Variants in CACHD1 observed in about 807,000 individuals in gnomAD.
CACHD1 encodes VWFA and cache domain-containing protein 1.
A neutral mutation model predicts 138.7 loss-of-function variants in CACHD1; 71 were observed. The observed-to-expected ratio is 0.51, with a 90% CI of 0.42 to 0.62. The LOEUF (loss-of-function observed/expected upper bound fraction) is 0.62, where lower values mean the gene tolerates loss of function less well. Among genes scored for constraint, CACHD1 ranks in the 20% least tolerant of loss-of-function variants. The probability of loss-of-function intolerance (pLI) is 0.00; values close to 1 mark genes in which losing one functional copy is unlikely to be tolerated. For synonymous variants in CACHD1, 578 were observed against 591.5 expected (o/e 0.98, Z 0.33); for missense variants, 1,389 against 1,625.3 (o/e 0.85, Z 2.50).
intron 4 of CACHD1, among the ~76,000 whole-genome samples, chr1:64,608,207 A>G (rs143318452): frequency 1.1e-4 from 16 of 152,334 alleles, no homozygotes; most frequent in African/African-American, 3.6e-4. Context: ...ACTTGCTTGC[A>G]TTTGAAGTTT....
intron 2 of CACHD1, among the ~76,000 whole-genome samples, chr1:64,564,737 G>A (rs889480943): frequency 2.0e-5 from 3 of 152,248 alleles, no homozygotes; most frequent in Admixed American, 6.5e-5. Flanking sequence ...GTTCACAGAA[G>A]GCCCTGGAAG....
At chr1:64,522,371 G>A (rs2100378945) in intron 1 of CACHD1, among the ~76,000 whole-genome samples, 1 of 151,840 alleles carries the variant, frequency 6.6e-6, no homozygotes, top group East Asian at 1.9e-4. Flanking sequence ...GCAGTGGCAT[G>A]ATCTCGGCTC....
chr1:64,569,861 C>G (rs538501174), intron 2 of CACHD1, among the ~76,000 whole-genome samples: 1 of 152,230 alleles, frequency 6.6e-6, no homozygotes, highest in Non-Finnish European at 1.5e-5. Context: ...GGCCAGCAAG[C>G]CTGTATCATG....
chr1:64,674,988 G>T (rs958746896), intron 19 of CACHD1, among the ~76,000 whole-genome samples: 3 of 152,038 alleles, frequency 2.0e-5, no homozygotes. Context: ...CAAAGAAAGG[G>T]GAATGCACAA....
At chr1:64,672,345 C>T (rs1044430732) in intron 17 of CACHD1, among the ~76,000 whole-genome samples, 1 of 152,162 alleles carries the variant, frequency 6.6e-6, no homozygotes, top group African/African-American at 2.4e-5. Context: ...GTTCTAGCTT[C>T]ATTTATTGTT....
chr1:64,592,797 T>C (rs1647117731), intron 3 of CACHD1, among the ~76,000 whole-genome samples: 1 of 152,142 alleles, frequency 6.6e-6, no homozygotes, highest in African/African-American at 2.4e-5. Flanking sequence ...GGCAAGTTGC[T>C]TGTCAAGTTG....
rs756726292 is a variant in CACHD1 at position 64,602,883 on chromosome 1, C to A, written c.488C>A (p.Ala163Asp). The A allele has an allele frequency of 1.5e-5, 24 of 1,613,034 alleles. No individual in the cohort carries two copies. The highest frequency in any genetic ancestry group is 2.0e-5 in the Non-Finnish European group (24 of 1,179,214). ...CTTTCTACTACTGTTAATAGCCGGG[C>A]CTTCAATCCAGGACGAGACTTAAAT... is the stretch of plus-strand genomic sequence containing the variant. ...DRLSTTVNSR[A>D]FNPGRDLNSV... The change falls in exon 4 of 27, where the codon GCC becomes GAC. Residue 163 changes from alanine to aspartate, a missense_variant. Around this residue, in one of 5 missense-constraint regions of CACHD1, gnomAD observed 1,000 missense variants for 1,114.7 expected, o/e 0.90. Transcript: ENST00000651257.
chr1:64,676,955 G>A lies in CACHD1; in HGVS notation c.3036G>A (p.Leu1012=). 1 of 1,614,048 alleles carries A rather than the reference G, an allele frequency of 6.2e-7. No individual in the cohort carries two copies. Among genetic ancestry groups the A allele is most frequent in the Non-Finnish European group, 8.5e-7 (1 of 1,179,942 alleles). The change falls in exon 22 of 27, where the codon CTG becomes CTA. Residue 1012 remains leucine, a synonymous_variant. Transcript: ENST00000651257. ...PVTYTAIDPG[L]QDALHQCVNS... is the part of the protein sequence containing the mutation. ...CATACACAGCTATTGACCCTGGCCT[G>A]CAAGATGCTCTTCACCAGTGTGTCA... is the stretch of plus-strand genomic sequence containing the variant.
rs761635006 is a variant in CACHD1, at chr1:64,692,107, CT to C, written c.*547del. The C allele has an allele frequency of 1.3e-5, 2 of 154,190 alleles. No individual in the cohort carries two copies. Among genetic ancestry groups the C allele is most frequent in the Admixed American group, 6.4e-5 (1 of 15,646 alleles). The allele number at this position is 154,190 out of a possible 1,614,324, so 9.6% of individuals were successfully genotyped here. A position where few individuals can be genotyped will look rare whatever the true frequency, so the allele number is the denominator to read the frequency against. ...TTCTAAGTAAAGGATTATTTTTCTACTATTTATTGAACTTTCAAACATTCTC... is the reference window on the plus strand; with the variant it reads ...TTCTAAGTAAAGGATTATTTTTCTACATTTATTGAACTTTCAAACATTCTC... On this transcript the variant is annotated 3_prime_UTR_variant, in exon 27 of 27. Coordinates refer to ENST00000651257, the MANE Select transcript of CACHD1 (RefSeq NM_020925.4).
chr1:64,560,845 C>T (rs183069636), intron 2 of CACHD1, among the ~76,000 whole-genome samples: 41 of 152,116 alleles, frequency 2.7e-4, no homozygotes, highest in Non-Finnish European at 7.4e-5. Context: ...TAATTCTGTT[C>T]ATTTTTGCCT....
At chr1:64,607,917 C>T (rs1465841935) in intron 4 of CACHD1, among the ~76,000 whole-genome samples, 1 of 152,092 alleles carries the variant, frequency 6.6e-6, no homozygotes, top group Non-Finnish European at 1.5e-5. Context: ...GAGGTTTAGA[C>T]TGAAACTCAG....
intron 1 of CACHD1, among the ~76,000 whole-genome samples, chr1:64,534,188 T>TGTA (rs1646613984): frequency 6.6e-6 from 1 of 151,652 alleles, no homozygotes; most frequent in Non-Finnish European, 1.5e-5. Flanking sequence ...GGATTACAGG[T>TGTA]GTGCACCATC....
intron 1 of CACHD1, among the ~76,000 whole-genome samples, chr1:64,473,992 G>A (rs1345406747): frequency 3.9e-5 from 6 of 152,158 alleles, no homozygotes; most frequent in East Asian, 1.9e-4. Context: ...TTTGAAAAGC[G>A]TCTACCTTGA....
At chr1:64,632,768 A>G (rs369126111) in intron 6 of CACHD1, 25 bp downstream of exon 6, 105 of 1,613,528 alleles carry the variant, frequency 6.5e-5, no homozygotes, top group Non-Finnish European at 8.5e-5. Context: ...TGTGACCCCT[A>G]TGGCATCAGG....
chr1:64,545,415 C>T (rs1194438264), intron 1 of CACHD1, among the ~76,000 whole-genome samples: 1 of 152,166 alleles, frequency 6.6e-6, no homozygotes, highest in Non-Finnish European at 1.5e-5. Flanking sequence ...TTTTAACAGG[C>T]TAGATTAGTT....
intron 1 of CACHD1, among the ~76,000 whole-genome samples, chr1:64,492,395 T>TTTTTTTTTTTTTTTGAG (rs1232760080): frequency 6.9e-6 from 1 of 144,360 alleles, no homozygotes; most frequent in South Asian, 2.3e-4. Context: ...ATTGTTTTCT[T>TTTTTTTTTTTTTTTGAG]AAAACAAGCC....
At chr1:64,605,299 TAA>T (rs1358111816) in intron 4 of CACHD1, among the ~76,000 whole-genome samples, 1 of 152,158 alleles carries the variant, frequency 6.6e-6, no homozygotes, top group Non-Finnish European at 1.5e-5. Flanking sequence ...ATACAATAAT[TAA>T]GTTTTAAATA....
intron 1 of CACHD1, among the ~76,000 whole-genome samples, chr1:64,478,188 C>T (rs1646187906): frequency 6.6e-6 from 1 of 152,114 alleles, no homozygotes; most frequent in African/African-American, 2.4e-5. Context: ...TTAGTTAATA[C>T]CTTTGCCCAG....
intron 3 of CACHD1, among the ~76,000 whole-genome samples, chr1:64,600,039 T>C (rs941344455): frequency 2.6e-5 from 4 of 152,130 alleles, no homozygotes; most frequent in African/African-American, 7.2e-5. Context: ...GGTTTAAGTC[T>C]CTCTTAGGTC....
Sources: gnomAD v4.1 joint callset for allele counts (sites outside exome capture counted in the v4.1 genomes callset) on GRCh38, gnomAD v4.1.1 for gene constraint, gnomAD v4.1.1 regional missense constraint, MANE v1.5 for transcripts, NCBI Gene and HGNC (gene_info 2026-07-23, HGNC 2026-07-21) for gene names.